Variants in KANK1 observed in about 807,000 individuals in gnomAD.
The protein encoded by KANK1 is KN motif and ankyrin repeat domains 1.
A neutral mutation model predicts 106.2 loss-of-function variants in KANK1; 109 were observed. The observed-to-expected ratio is 1.03, with a 90% CI of 0.88 to 1.20. KANK1 has a LOEUF of 1.20. Ranked by LOEUF, KANK1 falls within the 50% of genes most tolerant of loss-of-function variation. The pLI, the probability that KANK1 is intolerant of heterozygous loss-of-function variation, is 0.00. For synonymous variants in KANK1, 873 were observed against 652.2 expected (o/e 1.34, Z -5.16); for missense variants, 2,399 against 1,710.7 (o/e 1.40, Z -7.10).
chr9:727,690 GTGTGTGTGTGTGTGTGTGTGTGTGTGTA>G (rs1334281294), intron 3 of KANK1, among the ~76,000 whole-genome samples: 2 of 150,884 alleles, frequency 1.3e-5, no homozygotes, highest in Admixed American at 6.6e-5. Context: ...ATGTGTGTGT[GTGTGTGTGTGTGTGTGTGTGTGTGTGTA>G]TGTGTGTGTG....
chr9:620,194 A>G (rs533376427), intron 1 of KANK1, among the ~76,000 whole-genome samples: 1 of 151,742 alleles, frequency 6.6e-6, no homozygotes, highest in Non-Finnish European at 1.5e-5. Flanking sequence ...GGCAGGCAAG[A>G]AAACTTTGTC....
chr9:695,401 C>T (rs1289781053), intron 2 of KANK1, among the ~76,000 whole-genome samples: 2 of 152,120 alleles, frequency 1.3e-5, no homozygotes, highest in African/African-American at 4.8e-5. Context: ...TTATTTCCTT[C>T]CTGTGCTGGA....
At chr9:474,839 G>A (rs2058077905) in intron 3 of KANK1, among the ~76,000 whole-genome samples, 1 of 152,166 alleles carries the variant, frequency 6.6e-6, no homozygotes, top group Non-Finnish European at 1.5e-5. Context: ...TTTCCCTGAG[G>A]ACACTTCAGT....
chr9:693,374 C>G, intron 2 of KANK1: 8 of 985,210 alleles, frequency 8.1e-6, no homozygotes, highest in Non-Finnish European at 9.6e-6. Flanking sequence ...GGGAGTAAGT[C>G]AGCACAAACA....
At chr9:742,177 C>T in intron 9 of KANK1, 28 bp from the exon 10 acceptor site, 1 of 1,608,220 alleles carries the variant, frequency 6.2e-7, no homozygotes, top group South Asian at 1.1e-5. Context: ...GTACGTACTT[C>T]TGAAGTCCTT....
At chr9:588,378 A>G (rs1045257015) in intron 1 of KANK1, among the ~76,000 whole-genome samples, 3 of 152,192 alleles carry the variant, frequency 2.0e-5, no homozygotes, top group Non-Finnish European at 4.4e-5. Flanking sequence ...ATGCACATCT[A>G]TGATTATTTC....
intron 1 of KANK1, among the ~76,000 whole-genome samples, chr9:656,299 G>C (rs1012355577): frequency 1.3e-5 from 2 of 152,220 alleles, no homozygotes; most frequent in Non-Finnish European, 2.9e-5. Flanking sequence ...GCGTGAGGAG[G>C]AAAGAGTTTA....
chr9:731,145 G>A lies in KANK1; in HGVS notation c.2897-13G>A, dbSNP rs1408172040. The A allele has an allele frequency of 6.6e-7, 1 of 1,515,956 alleles. No homozygotes were observed. Among genetic ancestry groups the A allele is most frequent in the African/African-American group, 1.4e-5 (1 of 72,582 alleles). 93.9% of individuals were successfully genotyped at this position (1,515,956 alleles called of 1,614,324 possible). A position where few individuals can be genotyped will look rare whatever the true frequency, so the allele number is the denominator to read the frequency against. ...TGTGAGTTTTCATTTTTATTGCCTT[G>A]ACTTTTTCACAGCATGTACAAACAA... On this transcript the variant is annotated splice_polypyrimidine_tract_variant and intron_variant, in intron 4 of 11. Coordinates refer to ENST00000382297, the MANE Select transcript of KANK1 (RefSeq NM_015158.5).
intron 1 of KANK1, among the ~76,000 whole-genome samples, chr9:519,728 AT>A (rs1375369367): frequency 1.3e-5 from 2 of 151,760 alleles, no homozygotes; most frequent in East Asian, 3.9e-4. Context: ...TTAGAGATTA[AT>A]TACATGCCTT....
At chr9:488,014 T>C (rs557876682) in intron 3 of KANK1, among the ~76,000 whole-genome samples, 4 of 152,346 alleles carry the variant, frequency 2.6e-5, no homozygotes, top group Admixed American at 2.6e-4. Flanking sequence ...ACACCTTCCC[T>C]GTTCAACATA....
chr9:552,010 C>T (rs150450487), intron 1 of KANK1, among the ~76,000 whole-genome samples: 109 of 151,984 alleles, frequency 7.2e-4, no homozygotes, highest in Non-Finnish European at 1.3e-3. Flanking sequence ...GAGCTATGAT[C>T]GCACCACTGT....
intron 1 of KANK1, among the ~76,000 whole-genome samples, chr9:625,283 A>G (rs548371668): frequency 1.3e-5 from 2 of 152,328 alleles, no homozygotes; most frequent in East Asian, 1.9e-4. Context: ...CAGCCCCCAG[A>G]TAAAAACCGT....
At chr9:567,536 T>C (rs909455119) in intron 1 of KANK1, among the ~76,000 whole-genome samples, 1 of 152,248 alleles carries the variant, frequency 6.6e-6, no homozygotes, top group African/African-American at 2.4e-5. Flanking sequence ...TATCTCTTAC[T>C]GTCACAGTTT....
chr9:520,590 G>A (rs1563708986), intron 1 of KANK1, among the ~76,000 whole-genome samples: 2 of 151,700 alleles, frequency 1.3e-5, no homozygotes, highest in Admixed American at 6.6e-5. Context: ...CTAACATAAT[G>A]GAAGACTATA....
chr9:541,681 T>G (rs939134218), intron 1 of KANK1, among the ~76,000 whole-genome samples: 9 of 152,002 alleles, frequency 5.9e-5, no homozygotes, highest in Non-Finnish European at 1.2e-4. Flanking sequence ...AATGAAGAGA[T>G]GGCCTGTAGA....
chr9:720,655 C>A (rs1160247707), intron 3 of KANK1, among the ~76,000 whole-genome samples: 1 of 152,152 alleles, frequency 6.6e-6, no homozygotes, highest in Non-Finnish European at 1.5e-5. Flanking sequence ...TGCACCCAGC[C>A]TGTTTTTTGT....
At chr9:695,887 T>C (rs1432290418) in intron 2 of KANK1, among the ~76,000 whole-genome samples, 1 of 152,286 alleles carries the variant, frequency 6.6e-6, no homozygotes, top group South Asian at 2.1e-4. Flanking sequence ...ACTACATCTC[T>C]TCCTCTGTTA....
At chr9:657,051 C>G (rs1842304808) in intron 1 of KANK1, among the ~76,000 whole-genome samples, 1 of 152,134 alleles carries the variant, frequency 6.6e-6, no homozygotes, top group Non-Finnish European at 1.5e-5. Flanking sequence ...TCCCCCTGTG[C>G]CAGCCGCTGG....
chr9:512,134 G>A (rs2059056581), intron 1 of KANK1, among the ~76,000 whole-genome samples: 1 of 152,146 alleles, frequency 6.6e-6, no homozygotes, highest in Admixed American at 6.5e-5. Flanking sequence ...ATGTCTTCAT[G>A]GTGACTTCAG....
Sources: gnomAD v4.1 joint callset for allele counts (sites outside exome capture counted in the v4.1 genomes callset) on GRCh38, gnomAD v4.1.1 for gene constraint, MANE v1.5 for transcripts, NCBI Gene and HGNC (gene_info 2026-07-23, HGNC 2026-07-21) for gene names.